The following HERC4 variants were observed in gnomAD, a reference collection of about 807,000 sequenced individuals.
HERC4 encodes probable E3 ubiquitin-protein ligase HERC4.
A neutral mutation model predicts 124.3 loss-of-function variants in HERC4; 28 were observed. The observed-to-expected ratio is 0.23, with a 90% CI of 0.17 to 0.31. The LOEUF (loss-of-function observed/expected upper bound fraction) is 0.31, where lower values mean the gene tolerates loss of function less well. Among genes scored for constraint, HERC4 ranks in the 10% least tolerant of loss-of-function variants. The probability of loss-of-function intolerance (pLI) is 1.00; values close to 1 mark genes in which losing one functional copy is unlikely to be tolerated. For missense variants in HERC4, 713 were observed against 1,229.3 expected, an observed-to-expected ratio of 0.58 and a Z score of 6.28; for synonymous variants, 407 against 421.5, an observed-to-expected ratio of 0.97 and a Z score of 0.42.
At chr10:67,924,292 T>G (rs1487218618) in intron 24 of HERC4, among the ~76,000 whole-genome samples, 19 of 152,226 alleles carry the variant, frequency 1.2e-4, no homozygotes, top group Non-Finnish European at 2.6e-4. Context: ...AACATGTACA[T>G]TCATGTGTCA....
chr10:67,954,833 CAATT>C, intron 18 of HERC4, 95 bp from the exon 19 acceptor site: 1 of 1,212,686 alleles, frequency 8.2e-7, no homozygotes, highest in Non-Finnish European at 1.1e-6. Flanking sequence ...TAATACTCTA[CAATT>C]AATAGTTTAA....
At chr10:68,000,795 T>C (rs559925128) in intron 9 of HERC4, among the ~76,000 whole-genome samples, 1 of 152,078 alleles carries the variant, frequency 6.6e-6, no homozygotes. Context: ...ATGCCAAAGA[T>C]TGACAGCAAA....
At chr10:68,048,946 T>C (rs984071823) in intron 3 of HERC4, among the ~76,000 whole-genome samples, 3 of 152,240 alleles carry the variant, frequency 2.0e-5, no homozygotes, top group Admixed American at 6.5e-5. Context: ...TCTTGTATAC[T>C]GTTAGTCTAA....
At chr10:67,943,873 G>A (rs1281004457) in intron 19 of HERC4, among the ~76,000 whole-genome samples, 1 of 152,208 alleles carries the variant, frequency 6.6e-6, no homozygotes, top group Non-Finnish European at 1.5e-5. Flanking sequence ...CTATGGATGG[G>A]GCCTGTAGAG....
intron 9 of HERC4, among the ~76,000 whole-genome samples, chr10:67,998,706 G>C (rs898322826): frequency 4.6e-5 from 7 of 152,098 alleles, no homozygotes; most frequent in Non-Finnish European, 2.9e-5. Flanking sequence ...TATGCCAGTA[G>C]TTCTCAAAAG....
intron 16 of HERC4, chr10:67,965,595 T>TAA (rs2034814477): frequency 6.6e-6 from 1 of 152,204 alleles, no homozygotes; most frequent in African/African-American, 2.4e-5. Context: ...GGGAGTATCC[T>TAA]AAAAACAGCG....
intron 15 of HERC4, among the ~76,000 whole-genome samples, chr10:67,977,636 TG>T: frequency 6.6e-6 from 1 of 152,236 alleles, no homozygotes; most frequent in East Asian, 1.9e-4. Flanking sequence ...GGACCTGTGC[TG>T]GGCCAGAGGG....
intron 15 of HERC4, among the ~76,000 whole-genome samples, chr10:67,984,990 G>C (rs907333518): frequency 4.6e-5 from 7 of 152,118 alleles, no homozygotes; most frequent in African/African-American, 1.7e-4. Context: ...AACGCAACCA[G>C]TGTTTGCAGT....
At chr10:68,035,808 C>G (rs2039430860) in intron 5 of HERC4, among the ~76,000 whole-genome samples, 1 of 152,182 alleles carries the variant, frequency 6.6e-6, no homozygotes, top group African/African-American at 2.4e-5. Context: ...TTCATTTCAA[C>G]TCTCTCCCAG....
intron 3 of HERC4, among the ~76,000 whole-genome samples, chr10:68,051,379 C>T (rs1589425721): frequency 7.0e-6 from 1 of 142,298 alleles, no homozygotes; most frequent in Middle Eastern, 3.9e-3. Context: ...GAGTCTCGCT[C>T]TGTCGCCCAG....
Position 68,031,083 on chromosome 10 carries a change from A to G in HERC4, c.777+1695T>C, listed in dbSNP as rs542914394. On this transcript the variant is annotated intron_variant, in intron 7 of 24. Coordinates refer to ENST00000373700, the MANE Select transcript of HERC4 (RefSeq NM_015601.4). The stretch of plus-strand genomic sequence containing the variant: ...ATATTTTACTTTGGGGATATTAACA[A>G]CTATCTAATTTTGTTAAAAATAATG... Among the ~76,000 whole-genome samples, 4 of 152,318 alleles carry G rather than the reference A, an allele frequency of 2.6e-5. No homozygotes were observed. The South Asian group carries it at 8.3e-4, about 32-fold the overall frequency.
chr10:68,049,217 C>T (rs1181686560), intron 3 of HERC4, among the ~76,000 whole-genome samples: 1 of 150,906 alleles, frequency 6.6e-6, no homozygotes, highest in Non-Finnish European at 1.5e-5. Context: ...GAGGAAACTA[C>T]ACATTGTTAT....
At chr10:68,038,255 C>A in intron 4 of HERC4, 86 bp from the exon 5 acceptor site, 1 of 597,990 alleles carries the variant, frequency 1.7e-6, no homozygotes. Context: ...TATTGATGGC[C>A]TACTATATGC....
chr10:67,939,977 A>G (rs1295656884), intron 20 of HERC4, among the ~76,000 whole-genome samples: 1 of 152,050 alleles, frequency 6.6e-6, no homozygotes, highest in Non-Finnish European at 1.5e-5. Context: ...CCCAGGCTGA[A>G]GTGCAGTGGC....
intron 7 of HERC4, 81 bp from the exon 8 acceptor site, chr10:68,025,757 T>C (rs1320925892): frequency 7.0e-7 from 1 of 1,426,510 alleles, no homozygotes; most frequent in Non-Finnish European, 9.4e-7. Context: ...AGTCCAAATC[T>C]TTAATATAAA....
At chr10:67,927,697 T>C (rs2031290144) in intron 23 of HERC4, among the ~76,000 whole-genome samples, 1 of 151,992 alleles carries the variant, frequency 6.6e-6, no homozygotes, top group African/African-American at 2.4e-5. Context: ...AGTGCTGGGA[T>C]TACAGGCATG....
chr10:68,057,496 C>T (rs1414434643), intron 3 of HERC4, among the ~76,000 whole-genome samples: 4 of 151,374 alleles, frequency 2.6e-5, no homozygotes, highest in Non-Finnish European at 5.9e-5. Context: ...TGGTGGCAGG[C>T]GCCTATAATC....
intron 9 of HERC4, among the ~76,000 whole-genome samples, chr10:68,001,794 T>C (rs2037248320): frequency 6.6e-6 from 1 of 152,166 alleles, no homozygotes. Flanking sequence ...GTACCTCTTA[T>C]CAGTAGACTC....
At chr10:67,996,105 A>G in intron 9 of HERC4, 3 of 443,740 alleles carry the variant, frequency 6.8e-6, no homozygotes, top group South Asian at 3.2e-5. Context: ...CAGGAGTTCA[A>G]GACCAGCCTG....
Sources: gnomAD v4.1 joint callset for allele counts (sites outside exome capture counted in the v4.1 genomes callset) on GRCh38, gnomAD v4.1.1 for gene constraint, MANE v1.5 for transcripts, NCBI Gene and HGNC (gene_info 2026-07-23, HGNC 2026-07-21) for gene names.